The following RIN3 variants were observed in gnomAD, a reference collection of about 807,000 sequenced individuals.
RIN3 encodes the protein RAB5 interacting protein 3.
In RIN3, 54 loss-of-function variants were observed where a neutral mutation model predicts 76.3. That is an observed-to-expected ratio of 0.71 (90% CI 0.57 to 0.89). RIN3 has a LOEUF of 0.89. RIN3 is among the 40% of genes least tolerant of loss of function. RIN3 has a pLI of 0.00. For missense variants in RIN3, 1,256 were observed against 1,322.1 expected, an observed-to-expected ratio of 0.95 and a Z score of 0.78; for synonymous variants, 576 against 564.0, an observed-to-expected ratio of 1.02 and a Z score of -0.30.
In RIN3 at chr14:92,514,190, C is replaced by T. The variant is rs1896372837; in HGVS notation, c.44+214C>T. 6.6e-6 allele frequency among the ~76,000 whole-genome samples: 1 copy of T among 152,152 alleles called. No individual in the cohort carries two copies. Among genetic ancestry groups the T allele is most frequent in the South Asian group, 2.1e-4 (1 of 4,832 alleles). On this transcript the variant is annotated intron_variant, in intron 1 of 9. Transcript: ENST00000216487. The surrounding 1 kb of genome is among the most constrained non-coding windows in gnomAD (Gnocchi z 7.2). ...TCCGCTGGACCCGATGTTGGCTAAA[C>T]TTTCAAGGCCAGGCATTTCACTGGG...
intron 1 of RIN3, among the ~76,000 whole-genome samples, chr14:92,554,675 C>T (rs1396614025): frequency 6.6e-6 from 1 of 152,216 alleles, no homozygotes; most frequent in Non-Finnish European, 1.5e-5. Flanking sequence ...AATCCCAGTA[C>T]TTCGGGAGGC....
In RIN3 at chr14:92,523,269, C is replaced by T. The variant is rs71430766; in HGVS notation, c.44+9293C>T. Among the ~76,000 whole-genome samples, 725 of 152,312 alleles carry T rather than the reference C, an allele frequency of 4.8e-3. 2 individuals carry two copies. Among genetic ancestry groups the T allele is most frequent in the Non-Finnish European group, 7.5e-3 (509 of 68,034 alleles). The stretch of plus-strand genomic sequence containing the variant: ...GGGATTACAGGTGCCTGCCACCACT[C>T]TTGGCTAGTTTTTGTATTTTTAGTA... On this transcript the variant is annotated intron_variant, in intron 1 of 9. Transcript: ENST00000216487.
intron 4 of RIN3, among the ~76,000 whole-genome samples, chr14:92,631,816 C>G (rs1886595483): frequency 6.6e-6 from 1 of 150,438 alleles, no homozygotes; most frequent in Non-Finnish European, 1.5e-5. Flanking sequence ...GTTGGTCAGG[C>G]TGGTCTTGAA....
intron 4 of RIN3, among the ~76,000 whole-genome samples, chr14:92,639,862 G>T (rs534524642): frequency 6.6e-6 from 1 of 152,100 alleles, no homozygotes; most frequent in African/African-American, 2.4e-5. Context: ...GCCTGACTGT[G>T]CGTTTGCTGG....
chr14:92,555,593 G>A (rs534241464), intron 1 of RIN3, among the ~76,000 whole-genome samples, 158 bp from the exon 2 acceptor site: 2 of 152,190 alleles, frequency 1.3e-5, no homozygotes, highest in East Asian at 3.9e-4. Flanking sequence ...AGCACCCTAA[G>A]ATGAAGACCA....
At chr14:92,617,204 A>G (rs1002252767) in intron 4 of RIN3, among the ~76,000 whole-genome samples, 3 of 152,110 alleles carry the variant, frequency 2.0e-5, no homozygotes, top group African/African-American at 4.8e-5. Context: ...GGAGGCTGAA[A>G]CAGGAGAATT....
intron 1 of RIN3, among the ~76,000 whole-genome samples, chr14:92,548,584 G>A (rs61975764): frequency 0.38 from 57,434 of 151,836 alleles, 12,154 homozygotes; most frequent in Non-Finnish European, 0.47. Flanking sequence ...GCCTCTCCCC[G>A]AGCTCCTGGT....
rs11383121 is a variant in RIN3 at position 92,634,856 on chromosome 14, T to TAAA, written c.441-6368_441-6366dup. Among the ~76,000 whole-genome samples, 125 of 130,290 alleles carry TAAA rather than the reference T, an allele frequency of 9.6e-4. 1 individual carries two copies. Among genetic ancestry groups the TAAA allele is most frequent in the Admixed American group, 1.7e-3 (22 of 13,116 alleles). The allele number at this position is 130,290 out of a possible 152,430, so 85.5% of individuals were successfully genotyped here. The stretch of plus-strand genomic sequence containing the variant: ...CTGGGTGCCAGAACGAGACTCTATC[T>TAAA]AAAAAAAAAAAAAAAAGGTGGATTC... On this transcript the variant is annotated intron_variant, in intron 4 of 9. Transcript: ENST00000216487.
intron 7 of RIN3, among the ~76,000 whole-genome samples, chr14:92,661,516 G>C (rs1454053021): frequency 6.6e-6 from 1 of 152,126 alleles, no homozygotes; most frequent in African/African-American, 2.4e-5. Flanking sequence ...ACGAGGTCAG[G>C]AGTTTGAGAC....
chr14:92,624,556 A>G lies in RIN3; in HGVS notation c.440+9077A>G, dbSNP rs143695602. ...TCCAAACGACATATTCCCAAGTATGACAAAACGGAAAGCTAAACAAGGTAG... is the reference window on the plus strand; with the variant it reads ...TCCAAACGACATATTCCCAAGTATGGCAAAACGGAAAGCTAAACAAGGTAG... On this transcript the variant is annotated intron_variant, in intron 4 of 9. Coordinates refer to ENST00000216487, the MANE Select transcript of RIN3 (RefSeq NM_024832.5). Among the ~76,000 whole-genome samples, 1,535 of 152,324 alleles carry G rather than the reference A, an allele frequency of 0.01. 11 individuals carry two copies. Among genetic ancestry groups the G allele is most frequent in the Non-Finnish European group, 0.015 (1,011 of 68,026 alleles).
chr14:92,656,117 AGAG>A lies in RIN3; in HGVS notation c.2027-3041_2027-3039del, dbSNP rs1887656654. Among the ~76,000 whole-genome samples, 1 of 152,204 alleles carries A rather than the reference AGAG, an allele frequency of 6.6e-6. No homozygotes were observed. The highest frequency in any genetic ancestry group is 2.4e-5 in the African/African-American group (1 of 41,448). On this transcript the variant is annotated intron_variant, in intron 6 of 9. Coordinates refer to ENST00000216487, the MANE Select transcript of RIN3 (RefSeq NM_024832.5). This position sits in a 1 kb window ranked among gnomAD's most constrained non-coding sequence, Gnocchi z 5.2. ...GGACATGGAAAACTCCAAGTGGCCCAGAGGAAACTGTGGTCAGCCCTGCCTTCC... is the reference window on the plus strand; with the variant it reads ...GGACATGGAAAACTCCAAGTGGCCCAGAAACTGTGGTCAGCCCTGCCTTCC...
chr14:92,576,467 G>A, intron 2 of RIN3: 2 of 1,222,912 alleles, frequency 1.6e-6, no homozygotes, highest in Non-Finnish European at 2.2e-6. Flanking sequence ...TACAGCAGAA[G>A]CAAGTCTTCC....
In RIN3 at chr14:92,688,048, G is replaced by A. The variant is rs1242457530; in HGVS notation, c.2754G>A (p.Pro918=). 1.9e-6 allele frequency: 3 copies of A among 1,599,694 alleles called. No individual in the cohort carries two copies. Among genetic ancestry groups the A allele is most frequent in the Non-Finnish European group, 2.6e-6 (3 of 1,174,640 alleles). Residue 918 remains proline, a synonymous_variant, in exon 10 of 10, where the codon CCG becomes CCA. Transcript: ENST00000216487. ...CGGAGAAGTTCGCGGTGGAGCGGCCGCAGGCGCACCGGCTGTTCGTGCTGG... is the reference window on the plus strand; with the variant it reads ...CGGAGAAGTTCGCGGTGGAGCGGCCACAGGCGCACCGGCTGTTCGTGCTGG... The part of the protein sequence containing the change: ...QCAEKFAVER[P]QAHRLFVLVD...
At chr14:92,538,457 A>T (rs1239155762) in intron 1 of RIN3, among the ~76,000 whole-genome samples, 2 of 152,198 alleles carry the variant, frequency 1.3e-5, no homozygotes, top group Non-Finnish European at 1.5e-5. Flanking sequence ...GCTTGGGCAC[A>T]CTGTGGTAGA....
intron 3 of RIN3, among the ~76,000 whole-genome samples, chr14:92,614,595 G>A (rs964942898): frequency 6.6e-6 from 1 of 151,970 alleles, no homozygotes; most frequent in Non-Finnish European, 1.5e-5. Context: ...CCTGGTGGGA[G>A]ATAATTGAAT....
In RIN3 at chr14:92,613,550, A is replaced by C. The variant is rs190584071; in HGVS notation, c.368-1857A>C. Among the ~76,000 whole-genome samples the C allele has an allele frequency of 3.5e-3, 540 of 152,312 alleles. 29 individuals are homozygous for C. Among genetic ancestry groups the C allele is most frequent in the Admixed American group, 0.035 (537 of 15,302 alleles). ...AAAAATGAAGCTAATTGAACACAACATGTTGGTTCGCGTATCACTATAAGC... is the reference window on the plus strand; with the variant it reads ...AAAAATGAAGCTAATTGAACACAACCTGTTGGTTCGCGTATCACTATAAGC... On this transcript the variant is annotated intron_variant, in intron 3 of 9. Coordinates refer to ENST00000216487, the MANE Select transcript of RIN3 (RefSeq NM_024832.5).
chr14:92,652,777 C>T lies in RIN3; in HGVS notation c.1728C>T (p.Gly576=). The change falls in exon 6 of 10, where the codon GGC becomes GGT. Residue 576 remains glycine, a synonymous_variant. Coordinates refer to ENST00000216487, the MANE Select transcript of RIN3 (RefSeq NM_024832.5). The surrounding 1 kb of genome is among the most constrained non-coding windows in gnomAD (Gnocchi z 6.4). ...AGAAGAAGCCCTCCATGATCCTGGG[C>T]AAGGCTCGGCACCGGCTGAGCTTTG... ...SVKKKPSMIL[G]KARHRLSFAS... The T allele has an allele frequency of 6.2e-7, 1 of 1,614,008 alleles. No homozygotes were observed. Among genetic ancestry groups the T allele is most frequent in the Non-Finnish European group, 8.5e-7 (1 of 1,180,042 alleles).
chr14:92,543,346 T>A (rs1897168967), intron 1 of RIN3, among the ~76,000 whole-genome samples: 1 of 152,108 alleles, frequency 6.6e-6, no homozygotes, highest in Non-Finnish European at 1.5e-5. Flanking sequence ...TTCATCTCAA[T>A]AGAAATTGAG....
intron 4 of RIN3, among the ~76,000 whole-genome samples, chr14:92,619,395 T>C (rs1886088066): frequency 6.7e-6 from 1 of 150,266 alleles, no homozygotes; most frequent in South Asian, 2.1e-4. Context: ...CACATTCTAC[T>C]GTTCTTATAT....
Sources: allele counts gnomAD v4.1 joint callset (sites outside exome capture counted in the v4.1 genomes callset), GRCh38; gene constraint gnomAD v4.1.1; non-coding constraint Gnocchi (gnomAD v3.1); transcripts MANE v1.5; gene names NCBI Gene and HGNC (gene_info 2026-07-23, HGNC 2026-07-21).